The following RNASEH2B variants were observed in gnomAD, a reference collection of about 807,000 sequenced individuals.
RNASEH2B encodes the protein Aicardi-Goutieres syndrome 2 protein.
A neutral mutation model predicts 45.0 loss-of-function variants in RNASEH2B; 36 were observed. The observed-to-expected ratio is 0.80, with a 90% CI of 0.61 to 1.06. The LOEUF is 1.06. Among genes scored for constraint, RNASEH2B ranks in the 50% least tolerant of loss-of-function variants. The pLI is 0.00. For synonymous variants in RNASEH2B, 119 were observed against 125.7 expected (o/e 0.95, Z 0.35); for missense variants, 361 against 360.3 (o/e 1.00, Z -0.02).
chr13:50,942,079 C>T (rs1231066033), intron 5 of RNASEH2B: 1 of 152,216 alleles, frequency 6.6e-6, no homozygotes, highest in African/African-American at 2.4e-5. Context: ...GAGCCTCATT[C>T]TATATAACTC....
At chr13:50,923,918 G>A (rs1406452022) in intron 1 of RNASEH2B, among the ~76,000 whole-genome samples, 3 of 152,206 alleles carry the variant, frequency 2.0e-5, no homozygotes, top group African/African-American at 4.8e-5. Flanking sequence ...AAAGGAATAT[G>A]TGCAGAAAAC....
chr13:50,961,256 A>G (rs973302942), downstream of RNASEH2B, among the ~76,000 whole-genome samples: 2 of 152,190 alleles, frequency 1.3e-5, no homozygotes, highest in Admixed American at 1.3e-4. Flanking sequence ...TTCTTATCGG[A>G]TGTTTGCCCA....
downstream of RNASEH2B, among the ~76,000 whole-genome samples, chr13:50,961,348 C>T (rs528068524): frequency 2.3e-4 from 35 of 152,124 alleles, no homozygotes; most frequent in Admixed American, 3.9e-4. Context: ...GAAGAACTTT[C>T]CCTTTTCCTT....
chr13:50,943,894 T>A (rs2137984737), intron 6 of RNASEH2B, among the ~76,000 whole-genome samples: 1 of 152,298 alleles, frequency 6.6e-6, no homozygotes, highest in South Asian at 2.1e-4. Flanking sequence ...ATTCTAAGAA[T>A]CTTGACCTAA....
At chr13:50,911,002 T>C (rs1173124290) in intron 1 of RNASEH2B, 3 of 152,196 alleles carry the variant, frequency 2.0e-5, no homozygotes, top group Non-Finnish European at 4.4e-5. Flanking sequence ...TTATTGAAAA[T>C]GTTTACATGA....
rs551300050 is a variant in RNASEH2B, at chr13:50,927,804, TATTCAAC to T, written c.136+330_136+336del. Among the ~76,000 whole-genome samples, 18 of 152,316 alleles carry T rather than the reference TATTCAAC, an allele frequency of 1.2e-4. 1 individual carries two copies. The East Asian group carries it at 3.3e-3, about 28-fold the overall frequency. On this transcript the variant is annotated intron_variant, in intron 2 of 10. Coordinates refer to ENST00000336617, the MANE Select transcript of RNASEH2B (RefSeq NM_024570.4). ...CTTCCTTAAGCCAACTTTTCTTAGT[TATTCAAC>T]ATTAGCCTCCATTTATATCCATTTT...
At chr13:50,923,393 A>G (rs962407521) in intron 1 of RNASEH2B, among the ~76,000 whole-genome samples, 18 of 152,226 alleles carry the variant, frequency 1.2e-4, no homozygotes, top group African/African-American at 4.1e-4. Context: ...TCGTAGTCAA[A>G]CTGTGAAAAG....
chr13:50,910,688 G>C (rs996164732), intron 1 of RNASEH2B: 1 of 152,534 alleles, frequency 6.6e-6, no homozygotes, highest in Non-Finnish European at 1.5e-5. Flanking sequence ...AGGAGTGCTG[G>C]AGCCGGGCCT....
intron 1 of RNASEH2B, chr13:50,915,291 T>G: frequency 2.5e-6 from 1 of 397,312 alleles, no homozygotes; most frequent in East Asian, 3.6e-5. Flanking sequence ...TTCAACTTTA[T>G]TTTCCACAAA....
chr13:50,928,892 A>G (rs981823791), intron 2 of RNASEH2B, among the ~76,000 whole-genome samples: 3 of 148,276 alleles, frequency 2.0e-5, no homozygotes, highest in Non-Finnish European at 4.4e-5. Context: ...GTGATAAAAC[A>G]TGCAGATGTG....
At chr13:50,922,118 G>T (rs1951531794) in intron 1 of RNASEH2B, among the ~76,000 whole-genome samples, 1 of 152,168 alleles carries the variant, frequency 6.6e-6, no homozygotes, top group Non-Finnish European at 1.5e-5. Context: ...CTCAGAGCTT[G>T]CTCTGTTCCC....
intron 1 of RNASEH2B, among the ~76,000 whole-genome samples, chr13:50,916,297 G>A (rs1038054400): frequency 6.6e-6 from 1 of 151,804 alleles, no homozygotes; most frequent in South Asian, 2.1e-4. Context: ...AAACACTCAG[G>A]GAGATTGGGG....
Position 50,945,408 on chromosome 13 carries a change from C to A in RNASEH2B, c.511-19C>A, listed in dbSNP as rs370913691. Reference sequence around the variant, plus strand: ...TAAGTTGAAAATACCCTGCCTTTCCCCTCTTGGTTGCTTCATAGGTTAATC... The same window carrying A: ...TAAGTTGAAAATACCCTGCCTTTCCACTCTTGGTTGCTTCATAGGTTAATC... On this transcript the variant is annotated intron_variant, in intron 6 of 10. Coordinates refer to ENST00000336617, the MANE Select transcript of RNASEH2B (RefSeq NM_024570.4). 7.7e-6 allele frequency: 12 copies of A among 1,549,746 alleles called. No homozygotes were observed. The highest frequency in any genetic ancestry group is 1.1e-5 in the South Asian group (1 of 89,658).
intron 5 of RNASEH2B, among the ~76,000 whole-genome samples, chr13:50,940,658 A>G (rs1951823217): frequency 1.3e-5 from 2 of 152,180 alleles, no homozygotes; most frequent in South Asian, 4.1e-4. Flanking sequence ...ACTGGGTTTT[A>G]GACACATGGA....
chr13:50,941,572 T>A (rs1951833605), intron 5 of RNASEH2B: 1 of 152,198 alleles, frequency 6.6e-6, no homozygotes. Context: ...TGAGCTTCTT[T>A]TGGAGTTTTT....
intron 5 of RNASEH2B, among the ~76,000 whole-genome samples, chr13:50,939,600 A>C (rs1295554296): frequency 6.6e-6 from 1 of 152,176 alleles, no homozygotes; most frequent in Non-Finnish European, 1.5e-5. Context: ...AATAGAATAG[A>C]GAATCTAGAA....
intron 6 of RNASEH2B, among the ~76,000 whole-genome samples, chr13:50,943,696 G>A (rs534819983): frequency 3.3e-5 from 5 of 152,246 alleles, no homozygotes; most frequent in African/African-American, 1.2e-4. Flanking sequence ...GAGGATACCA[G>A]GCTTGGCACT....
At chr13:50,966,945 G>A (rs1399369911) in intron 9 of RNASEH2B, among the ~76,000 whole-genome samples, 1 of 152,166 alleles carries the variant, frequency 6.6e-6, no homozygotes, top group East Asian at 1.9e-4. Context: ...CCATGTTTCA[G>A]TACTAAACAG....
intron 1 of RNASEH2B, among the ~76,000 whole-genome samples, chr13:50,917,058 G>A (rs1445943328): frequency 6.6e-6 from 1 of 152,190 alleles, no homozygotes; most frequent in African/African-American, 2.4e-5. Flanking sequence ...TCTCCTCTTA[G>A]TTCCAGTTTG....
Sources: gnomAD v4.1 joint callset for allele counts (sites outside exome capture counted in the v4.1 genomes callset) on GRCh38, gnomAD v4.1.1 for gene constraint, MANE v1.5 for transcripts, NCBI Gene and HGNC (gene_info 2026-07-23, HGNC 2026-07-21) for gene names.